ZC3H8: variants seen among roughly 807,000 people sequenced by gnomAD.
The protein encoded by ZC3H8 is zinc finger CCCH domain-containing protein 8.
Under a neutral mutation model 42.5 loss-of-function variants are expected in ZC3H8, and 27 were observed. The observed-to-expected ratio is 0.64, with a 90% CI of 0.47 to 0.88. ZC3H8 has a LOEUF of 0.88. Ranked by LOEUF, ZC3H8 falls within the 40% of genes least tolerant of loss-of-function variation. ZC3H8 has a pLI of 0.00. For missense variants in ZC3H8, 277 were observed against 336.1 expected (o/e 0.82, Z 1.37); for synonymous variants, 101 against 110.1 (o/e 0.92, Z 0.52).
In ZC3H8 at chr2:112,244,888, G is replaced by C. The variant is rs542386908; in HGVS notation, c.156+5303C>G. On this transcript the variant is annotated intron_variant, in intron 2 of 8. Coordinates refer to ENST00000409573, the MANE Select transcript of ZC3H8 (RefSeq NM_032494.3). The stretch of plus-strand genomic sequence containing the variant: ...GCTTCCCTATTCCCTGAGACACTAA[G>C]ATACTGAAATTAGACTAATTAATAA... Among the ~76,000 whole-genome samples, 56 of 152,212 alleles carry C rather than the reference G, an allele frequency of 3.7e-4. No individual in the cohort carries two copies. The South Asian group carries it at 0.011, about 30-fold the overall frequency.
Position 112,231,818 on chromosome 2 carries a change from T to C in ZC3H8, c.843+20A>G, listed in dbSNP as rs1685104938. On this transcript the variant is annotated intron_variant, in intron 7 of 8. Coordinates refer to ENST00000409573, the MANE Select transcript of ZC3H8 (RefSeq NM_032494.3). The stretch of plus-strand genomic sequence containing the variant: ...TCCTTAAAAAAGAAAAAACAAAAGA[T>C]TATTAAAAATTATACTTACTTTAGC... The C allele has an allele frequency of 1.4e-6, 2 of 1,456,734 alleles. No individual in the cohort carries two copies. Among genetic ancestry groups the C allele is most frequent in the Non-Finnish European group, 1.9e-6 (2 of 1,069,216 alleles). 90.2% of individuals were successfully genotyped at this position (1,456,734 alleles called of 1,614,324 possible).
chr2:112,234,468 T>G (rs977048416), intron 4 of ZC3H8, among the ~76,000 whole-genome samples: 3 of 152,362 alleles, frequency 2.0e-5, no homozygotes, highest in Middle Eastern at 3.4e-3. Flanking sequence ...GAATATTTTA[T>G]GATACATTGC....
intron 4 of ZC3H8, 80 bp from the exon 5 acceptor site, chr2:112,234,316 A>G: frequency 8.6e-7 from 1 of 1,159,994 alleles, no homozygotes; most frequent in East Asian, 2.6e-5. Context: ...AATTATTTAA[A>G]CCAACTTCAG....
At chr2:112,217,706 G>C (rs1684389205) in intron 8 of ZC3H8, among the ~76,000 whole-genome samples, 1 of 152,294 alleles carries the variant, frequency 6.6e-6, no homozygotes, top group South Asian at 2.1e-4. Flanking sequence ...CAAGCTCACA[G>C]GGACAGATCA....
intron 8 of ZC3H8, among the ~76,000 whole-genome samples, chr2:112,216,859 AAG>A (rs1432483927): frequency 6.6e-6 from 1 of 152,138 alleles, no homozygotes; most frequent in East Asian, 1.9e-4. Flanking sequence ...GAGATGAAGA[AAG>A]AAAAATTTAA....
chr2:112,228,543 G>A (rs1684951132), intron 8 of ZC3H8, among the ~76,000 whole-genome samples: 1 of 149,464 alleles, frequency 6.7e-6, no homozygotes, highest in Non-Finnish European at 1.5e-5. Context: ...ACATCTACAT[G>A]TAAAAAAAAG....
rs1386277003 is a variant in ZC3H8 at position 112,254,970 on chromosome 2, C to G, written c.12G>C (p.Glu4Asp). The change falls in exon 1 of 9, where the codon GAG becomes GAC. Residue 4 changes from glutamate to aspartate, a missense_variant. Transcript: ENST00000409573. ...GGTTGGGGGGTTTTGAGAAAAGATT[C>G]TCAAAATCCATGACCCAGACAGGTC... Reference protein sequence around the residue: MDFENLFSKPPNPA... With the variant: MDFDNLFSKPPNPA... The G allele has an allele frequency of 6.2e-7, 1 of 1,611,074 alleles. No individual in the cohort carries two copies. The highest frequency in any genetic ancestry group is 2.2e-5 in the East Asian group (1 of 44,810).
At chr2:112,218,384 T>C (rs751120579) in intron 8 of ZC3H8, among the ~76,000 whole-genome samples, 2 of 152,158 alleles carry the variant, frequency 1.3e-5, no homozygotes, top group Non-Finnish European at 2.9e-5. Context: ...GTTTGCCTTA[T>C]TGAGTATGGT....
chr2:112,221,788 T>C (rs908757090), intron 8 of ZC3H8, among the ~76,000 whole-genome samples: 2 of 152,158 alleles, frequency 1.3e-5, no homozygotes, highest in African/African-American at 4.8e-5. Context: ...TCCTTAGATT[T>C]CTTGGATTGG....
At chr2:112,245,628 T>G (rs142234230) in intron 2 of ZC3H8, among the ~76,000 whole-genome samples, 2,501 of 152,300 alleles carry the variant, frequency 0.016, 70 homozygotes, top group African/African-American at 0.056. Context: ...CACTCCAGCC[T>G]GGGTGACAGA....
At chr2:112,243,282 C>T (rs991477635) in intron 2 of ZC3H8, among the ~76,000 whole-genome samples, 3 of 152,142 alleles carry the variant, frequency 2.0e-5, no homozygotes, top group Admixed American at 6.6e-5. Flanking sequence ...GAGGAGCTTC[C>T]GCCTAACCTT....
In ZC3H8 at chr2:112,215,398, T is replaced by C. The variant is rs1684283232; in HGVS notation, c.*1086A>G. The C allele has an allele frequency of 1.3e-5, 2 of 152,246 alleles. No homozygotes were observed. The highest frequency in any genetic ancestry group is 2.9e-5 in the Non-Finnish European group (2 of 68,054). 9.4% of individuals were successfully genotyped at this position (152,246 alleles called of 1,614,324 possible). A position where few individuals can be genotyped will look rare whatever the true frequency, so the allele number is the denominator to read the frequency against. Reference sequence around the variant, plus strand: ...CTTCTAAGGGCCTAGGATTTACCCTTGTTTCCTGCTTTCTTTCGTCTTGTC... The same window carrying C: ...CTTCTAAGGGCCTAGGATTTACCCTCGTTTCCTGCTTTCTTTCGTCTTGTC... On this transcript the variant is annotated 3_prime_UTR_variant, in exon 9 of 9. Transcript: ENST00000409573.
At chr2:112,241,328 C>G (rs1025515910) in intron 2 of ZC3H8, among the ~76,000 whole-genome samples, 17 of 152,082 alleles carry the variant, frequency 1.1e-4, no homozygotes, top group Non-Finnish European at 1.9e-4. Context: ...TACGACCACC[C>G]ACATGGAGGT....
intron 8 of ZC3H8, among the ~76,000 whole-genome samples, chr2:112,224,607 T>C (rs1306552983): frequency 4.6e-5 from 7 of 152,160 alleles, no homozygotes; most frequent in Admixed American, 4.6e-4. Flanking sequence ...AACAGATGAA[T>C]AAACAAGTAT....
At chr2:112,236,264 A>G (rs1459760915) in intron 4 of ZC3H8, among the ~76,000 whole-genome samples, 1 of 152,194 alleles carries the variant, frequency 6.6e-6, no homozygotes, top group Admixed American at 6.5e-5. Context: ...AAAAAAATAT[A>G]TGTATAACAA....
intron 2 of ZC3H8, among the ~76,000 whole-genome samples, chr2:112,244,800 A>G (rs1229987168): frequency 3.9e-5 from 6 of 152,182 alleles, no homozygotes; most frequent in East Asian, 1.9e-4. Context: ...TAAATGTTGC[A>G]TGTGTTCTGA....
At chr2:112,252,997 G>A (rs909072055) in intron 1 of ZC3H8, among the ~76,000 whole-genome samples, 7 of 152,068 alleles carry the variant, frequency 4.6e-5, no homozygotes, top group Admixed American at 4.6e-4. Flanking sequence ...CGTCGGGCGT[G>A]GTGGCAGGCG....
chr2:112,248,846 A>C (rs753185244), intron 2 of ZC3H8, among the ~76,000 whole-genome samples: 12 of 152,136 alleles, frequency 7.9e-5, no homozygotes, highest in Non-Finnish European at 1.2e-4. Flanking sequence ...AGTGTAATTA[A>C]TTAAGATTAG....
At chr2:112,230,993 T>C (rs750855703) in intron 7 of ZC3H8, 43 bp from the exon 8 acceptor site, 1 of 1,152,888 alleles carries the variant, frequency 8.7e-7, no homozygotes, top group South Asian at 1.7e-5. Context: ...TATGCATTCA[T>C]GTGTAATTCA....
Sources: gnomAD v4.1 joint callset for allele counts (sites outside exome capture counted in the v4.1 genomes callset) on GRCh38, gnomAD v4.1.1 for gene constraint, MANE v1.5 for transcripts, NCBI Gene and HGNC (gene_info 2026-07-23, HGNC 2026-07-21) for gene names.